Variants in KHDRBS2 observed in about 807,000 individuals in gnomAD.
KHDRBS2 encodes KH domain-containing, RNA-binding, signal transduction-associated protein 2.
Under a neutral mutation model 44.3 loss-of-function variants are expected in KHDRBS2, and 26 were observed. The observed-to-expected ratio is 0.59, with a 90% CI of 0.43 to 0.81. KHDRBS2 has a LOEUF of 0.81. Ranked by LOEUF, KHDRBS2 falls within the 40% of genes least tolerant of loss-of-function variation. The pLI, the probability that KHDRBS2 is intolerant of heterozygous loss-of-function variation, is 0.00. For synonymous variants in KHDRBS2, 194 were observed against 151.1 expected (o/e 1.28, Z -2.08); for missense variants, 476 against 433.1 (o/e 1.10, Z -0.88).
chr6:62,179,592 C>T (rs1490246840), intron 1 of KHDRBS2, among the ~76,000 whole-genome samples: 2 of 151,698 alleles, frequency 1.3e-5, no homozygotes, highest in African/African-American at 4.8e-5. Flanking sequence ...CTGAGGTAAT[C>T]GTAATGTGGA....
At chr6:62,235,096 A>G (rs1833502523) in intron 1 of KHDRBS2, among the ~76,000 whole-genome samples, 1 of 123,024 alleles carries the variant, frequency 8.1e-6, no homozygotes, top group Non-Finnish European at 1.6e-5. Flanking sequence ...TTTTTGAGCC[A>G]GCTCAAAATA....
intron 4 of KHDRBS2, among the ~76,000 whole-genome samples, chr6:61,912,146 G>A (rs1475274408): frequency 1.3e-5 from 2 of 152,008 alleles, no homozygotes; most frequent in African/African-American, 4.8e-5. Context: ...AGGAGAAAAT[G>A]ATGAAAAACT....
At chr6:62,003,003 G>A (rs1160211171) in intron 3 of KHDRBS2, among the ~76,000 whole-genome samples, 3 of 151,948 alleles carry the variant, frequency 2.0e-5, no homozygotes, top group Non-Finnish European at 1.5e-5. Flanking sequence ...AAATTTCATA[G>A]TTAAACCTAA....
chr6:62,015,678 G>C (rs1338798886), intron 3 of KHDRBS2, among the ~76,000 whole-genome samples: 1 of 152,136 alleles, frequency 6.6e-6, no homozygotes, highest in Non-Finnish European at 1.5e-5. Flanking sequence ...ACACAAAGCA[G>C]TCTGCAGAGA....
At chr6:61,602,525 G>A in the KHDRBS2 span, among the ~76,000 whole-genome samples, 3 of 152,162 alleles carry the variant, frequency 2.0e-5, no homozygotes, top group Admixed American at 6.6e-5. Context: ...TCTGGCCCAA[G>A]GCTCTCTGAC....
chr6:61,612,954 G>A, the KHDRBS2 span, among the ~76,000 whole-genome samples: 2 of 142,740 alleles, frequency 1.4e-5, no homozygotes, highest in African/African-American at 5.2e-5. Context: ...CTGGGTTCAC[G>A]CCATTTTCCT....
intron 4 of KHDRBS2, among the ~76,000 whole-genome samples, chr6:61,963,538 C>T (rs1218971486): frequency 6.6e-6 from 1 of 151,990 alleles, no homozygotes; most frequent in Non-Finnish European, 1.5e-5. Flanking sequence ...AGGGATGTGA[C>T]TCTATGAAAG....
chr6:61,936,281 G>A (rs1338110715), intron 4 of KHDRBS2, among the ~76,000 whole-genome samples: 6 of 151,898 alleles, frequency 4.0e-5, no homozygotes, highest in Non-Finnish European at 7.4e-5. Flanking sequence ...GGAAATACAT[G>A]TTTTGTTTTA....
chr6:62,166,273 T>A (rs1818668501), intron 2 of KHDRBS2, among the ~76,000 whole-genome samples: 1 of 152,042 alleles, frequency 6.6e-6, no homozygotes, highest in South Asian at 2.1e-4. Context: ...GAATAATACC[T>A]CTATGAACAA....
the KHDRBS2 span, among the ~76,000 whole-genome samples, chr6:61,619,673 C>T: frequency 2.0e-5 from 3 of 152,064 alleles, no homozygotes; most frequent in South Asian, 4.1e-4. Context: ...AGACTGGTCT[C>T]GAACTCCTGA....
At chr6:61,929,716 T>G (rs1809659538) in intron 4 of KHDRBS2, among the ~76,000 whole-genome samples, 1 of 152,184 alleles carries the variant, frequency 6.6e-6, no homozygotes, top group Non-Finnish European at 1.5e-5. Context: ...AAATCTGGAT[T>G]CCATTATAAG....
chr6:61,601,389 C>T, the KHDRBS2 span, among the ~76,000 whole-genome samples: 2 of 152,080 alleles, frequency 1.3e-5, no homozygotes, highest in Non-Finnish European at 2.9e-5. Context: ...AAAACCTCTT[C>T]AACTCACATC....
chr6:61,708,497 G>T, intron 7 of KHDRBS2, among the ~76,000 whole-genome samples: 1 of 151,382 alleles, frequency 6.6e-6, no homozygotes, highest in Non-Finnish European at 1.5e-5. Flanking sequence ...TATTTCTAAA[G>T]TATCTTTGAA....
chr6:61,674,443 G>C, the KHDRBS2 span, among the ~76,000 whole-genome samples: 14 of 151,806 alleles, frequency 9.2e-5, 1 homozygote, highest in Admixed American at 5.9e-4. Context: ...TCTTAGCAGT[G>C]TGACACTACT....
chr6:61,713,128 T>G (rs1187965002), intron 7 of KHDRBS2, among the ~76,000 whole-genome samples: 1 of 151,586 alleles, frequency 6.6e-6, no homozygotes, highest in African/African-American at 2.4e-5. Context: ...ACAAAATATG[T>G]GTTGTATTGT....
the KHDRBS2 span, among the ~76,000 whole-genome samples, chr6:61,670,825 A>AAT: frequency 6.6e-6 from 1 of 151,598 alleles, no homozygotes; most frequent in African/African-American, 2.4e-5. Context: ...ATTTTCATTA[A>AAT]ATATATTTCT....
intron 1 of KHDRBS2, among the ~76,000 whole-genome samples, chr6:62,210,755 C>T (rs1828908259): frequency 6.6e-6 from 1 of 151,994 alleles, no homozygotes; most frequent in Non-Finnish European, 1.5e-5. Context: ...TAAATTAACA[C>T]TCTGATTCAA....
At chr6:61,967,287 C>T (rs1770209103) in intron 4 of KHDRBS2, among the ~76,000 whole-genome samples, 1 of 150,068 alleles carries the variant, frequency 6.7e-6, no homozygotes, top group Non-Finnish European at 1.5e-5. Context: ...AAGTGAAATA[C>T]TTTATAACAG....
At chr6:62,012,304 T>A (rs1780451187) in intron 3 of KHDRBS2, among the ~76,000 whole-genome samples, 1 of 152,200 alleles carries the variant, frequency 6.6e-6, no homozygotes, top group South Asian at 2.1e-4. Context: ...TCTCTCTTTT[T>A]TAGAGTTCTA....
Sources: gnomAD v4.1 joint callset for allele counts (sites outside exome capture counted in the v4.1 genomes callset) on GRCh38, gnomAD v4.1.1 for gene constraint, MANE v1.5 for transcripts, NCBI Gene and HGNC (gene_info 2026-07-23, HGNC 2026-07-21) for gene names.